Variants in TIE1 observed in about 807,000 individuals in gnomAD.
TIE1 encodes tyrosine-protein kinase receptor Tie-1.
TIE1 carries 89 observed loss-of-function variants against 130.5 expected under a neutral mutation model. That is an observed-to-expected ratio of 0.68 (90% CI 0.57 to 0.81). The LOEUF (loss-of-function observed/expected upper bound fraction) is 0.81, where lower values mean the gene tolerates loss of function less well. TIE1 is among the 40% of genes least tolerant of loss of function. The probability of loss-of-function intolerance (pLI) is 0.00; values close to 1 mark genes in which losing one functional copy is unlikely to be tolerated. For missense variants in TIE1, 1,392 were observed against 1,559.8 expected, an observed-to-expected ratio of 0.89 and a Z score of 1.81; for synonymous variants, 568 against 629.4, an observed-to-expected ratio of 0.90 and a Z score of 1.46.
In TIE1 at chr1:43,318,941, G is replaced by A. The variant is rs777456738; in HGVS notation, c.2923-294G>A. On this transcript the variant is annotated intron_variant, in intron 17 of 22. Transcript: ENST00000372476. The surrounding 1 kb of genome is among the most constrained non-coding windows in gnomAD (Gnocchi z 4.4). ...CTAAGGGAGAGAAACTGGAACCCAG[G>A]GGATGGGAAGAGGGAGGGGGAGAAG... is the stretch of plus-strand genomic sequence containing the variant. Among the ~76,000 whole-genome samples the A allele has an allele frequency of 8.0e-4, 122 of 152,254 alleles. 1 individual carries two copies. The highest frequency in any genetic ancestry group is 3.9e-4 in the Admixed American group (6 of 15,298).
At chr1:43,320,019 C>T (rs955364414) in intron 19 of TIE1, 8 of 194,400 alleles carry the variant, frequency 4.1e-5, no homozygotes, top group African/African-American at 1.6e-4. Context: ...TACCCCTTGC[C>T]CCAAGCCCTT....
chr1:43,307,810 C>A lies in TIE1; in HGVS notation c.928C>A (p.His310Asn). Residue 310 changes from histidine (H) to asparagine (N), a missense_variant, in exon 7 of 23, where the codon CAT (histidine) becomes AAT (asparagine). Around this residue, in one of 6 missense-constraint regions of TIE1, gnomAD observed 28 missense variants for 54.7 expected, o/e 0.51. Coordinates refer to ENST00000372476, the MANE Select transcript of TIE1 (RefSeq NM_005424.5). The surrounding 1 kb of genome is among the most constrained non-coding windows in gnomAD (Gnocchi z 5.4). ...TCTATTCCCAGCTTGTGCCCCTGGT[C>A]ATTTTGGGGCTGATTGCCGACTCCA... ...SQCQEACAPGHFGADCRLQCQ... is the reference protein window; with the variant it reads ...SQCQEACAPGNFGADCRLQCQ... The A allele has an allele frequency of 1.2e-6, 2 of 1,614,118 alleles. No individual in the cohort carries two copies. Among genetic ancestry groups the A allele is most frequent in the South Asian group, 1.1e-5 (1 of 91,030 alleles).
chr1:43,322,521 C>T lies in TIE1; in HGVS notation c.3346-130C>T. On this transcript the variant is annotated intron_variant, in intron 22 of 22. Coordinates refer to ENST00000372476, the MANE Select transcript of TIE1 (RefSeq NM_005424.5). The surrounding 1 kb of genome is among the most constrained non-coding windows in gnomAD (Gnocchi z 4.0). ...TGGGCTGGTAAAGGCCACTCTTGGC[C>T]ATGGGGCCATCTTAGGTCTCCAGAA... The T allele has an allele frequency of 2.8e-6, 2 of 705,242 alleles. No homozygotes were observed. Among genetic ancestry groups the T allele is most frequent in the Non-Finnish European group, 4.9e-6 (2 of 405,160 alleles). The allele number at this position is 705,242 out of a possible 1,614,324, so 43.7% of individuals were successfully genotyped here. A position where few individuals can be genotyped will look rare whatever the true frequency, so the allele number is the denominator to read the frequency against.
Position 43,312,676 on chromosome 1 carries a change from C to T in TIE1, c.1927+75C>T. ...ACAGGGACACATGAGACCTAGGAGACACGGGAGGCTGTAGGAGATTAATGG... is the reference window on the plus strand; with the variant it reads ...ACAGGGACACATGAGACCTAGGAGATACGGGAGGCTGTAGGAGATTAATGG... On this transcript the variant is annotated intron_variant, in intron 12 of 22. Transcript: ENST00000372476. The surrounding 1 kb of genome is among the most constrained non-coding windows in gnomAD (Gnocchi z 5.6). 6.7e-7 allele frequency: 1 copy of T among 1,494,068 alleles called. No homozygotes were observed. The highest frequency in any genetic ancestry group is 9.0e-7 in the Non-Finnish European group (1 of 1,110,402). The allele number at this position is 1,494,068 out of a possible 1,614,324, so 92.6% of individuals were successfully genotyped here. A position where few individuals can be genotyped will look rare whatever the true frequency, so the allele number is the denominator to read the frequency against.
At position 43,313,424 on chromosome 1, in the gene TIE1, C is replaced by T. The variant is rs140228360; in HGVS notation, c.2217C>T (p.Asn739=). The T allele has an allele frequency of 2.7e-5, 43 of 1,613,620 alleles. No individual in the cohort carries two copies. Among genetic ancestry groups the T allele is most frequent in the Non-Finnish European group, 3.3e-5 (39 of 1,179,886 alleles). The change falls in exon 13 of 23, where the codon AAC becomes AAT. Residue 739 remains asparagine, a splice_region_variant and synonymous_variant. Transcript: ENST00000372476. This position sits in a 1 kb window ranked among gnomAD's most constrained non-coding sequence, Gnocchi z 6.2. The stretch of plus-strand genomic sequence containing the variant: ...CAGTAGAAGAGTCCACCCTGGGCAA[C>T]GGTGAGAGGGCAGGGCCCACAGGAC... ...SNTVEESTLG[N]GLQAEGPVQE...
At position 43,321,661 on chromosome 1, in the gene TIE1, AC is replaced by A. The variant is rs1326195751; in HGVS notation, c.3297del (p.Phe1100LeufsTer8). On this transcript the variant is annotated frameshift_variant, in exon 22 of 23. Coordinates refer to ENST00000372476, the MANE Select transcript of TIE1 (RefSeq NM_005424.5). LOFTEE classifies it high-confidence loss of function. Reference sequence around the variant, plus strand: ...GCTGGCGGGACCGTCCCTATGAGCGACCCCCCTTTGCCCAGATTGCGCTACA... The same window carrying A: ...GCTGGCGGGACCGTCCCTATGAGCGACCCCCTTTGCCCAGATTGCGCTACA... ...QCWRDRPYER[P>X]PFAQIALQLG... 2 of 1,552,344 alleles carry A rather than the reference AC, an allele frequency of 1.3e-6. No homozygotes were observed. The highest frequency in any genetic ancestry group is 1.7e-6 in the Non-Finnish European group (2 of 1,147,812).
In TIE1 at chr1:43,307,386, C is replaced by T. The variant is rs1557442841; in HGVS notation, c.773-46C>T. The T allele has an allele frequency of 3.7e-6, 6 of 1,609,642 alleles. No homozygotes were observed. Among genetic ancestry groups the T allele is most frequent in the African/African-American group, 1.3e-5 (1 of 74,786 alleles). Reference sequence around the variant, plus strand: ...TAAGGGCGACAGGCAGGTCCTGGGCCCAGGGGCCCACAGAGGCCCATACAC... The same window carrying T: ...TAAGGGCGACAGGCAGGTCCTGGGCTCAGGGGCCCACAGAGGCCCATACAC... On this transcript the variant is annotated intron_variant, in intron 5 of 22. Coordinates refer to ENST00000372476, the MANE Select transcript of TIE1 (RefSeq NM_005424.5). The surrounding 1 kb of genome is among the most constrained non-coding windows in gnomAD (Gnocchi z 5.4).
In TIE1 at chr1:43,313,616, C is replaced by T. The variant is rs986482898; in HGVS notation, c.2219-162C>T. 6 of 1,050,054 alleles carry T rather than the reference C, an allele frequency of 5.7e-6. No individual in the cohort carries two copies. The highest frequency in any genetic ancestry group is 2.6e-5 in the East Asian group (1 of 38,420). The allele number at this position is 1,050,054 out of a possible 1,614,324, so 65.0% of individuals were successfully genotyped here. On this transcript the variant is annotated intron_variant, in intron 13 of 22. Coordinates refer to ENST00000372476, the MANE Select transcript of TIE1 (RefSeq NM_005424.5). This position sits in a 1 kb window ranked among gnomAD's most constrained non-coding sequence, Gnocchi z 6.2. ...TGTCCCAGGGCTGGGAAAATCATGT[C>T]GCCCCTCTGACACCCCTCATCCCTT... is the stretch of plus-strand genomic sequence containing the variant.
At chr1:43,310,819 C>T (rs1408965299) in intron 9 of TIE1, among the ~76,000 whole-genome samples, 1 of 152,222 alleles carries the variant, frequency 6.6e-6, no homozygotes, top group Non-Finnish European at 1.5e-5. Flanking sequence ...ATCAGCACTG[C>T]CCTCCTGACA....
chr1:43,301,060 G>A lies in TIE1; in HGVS notation c.-12G>A, dbSNP rs745410504. 1.2e-5 allele frequency: 19 copies of A among 1,613,368 alleles called. No homozygotes were observed. The highest frequency in any genetic ancestry group is 5.0e-5 in the Admixed American group (3 of 59,896). ...CAGCTCGTCCTGGCTGGCCTGGGTC[G>A]GCCTCTGGAGTATGGTCTGGCGGGT... On this transcript the variant is annotated 5_prime_UTR_variant, in exon 1 of 23. Coordinates refer to ENST00000372476, the MANE Select transcript of TIE1 (RefSeq NM_005424.5).
At position 43,313,236 on chromosome 1, in the gene TIE1, T is replaced by G; in HGVS notation, c.2029T>G (p.Tyr677Asp). The G allele has an allele frequency of 6.2e-7, 1 of 1,613,942 alleles. No individual in the cohort carries two copies. The highest frequency in any genetic ancestry group is 2.2e-5 in the East Asian group (1 of 44,862). The part of the protein sequence containing the change: ...PEALPGPISK[Y>D]VVEVQVAGGA... ...GGCTCTGCCTGGGCCAATATCCAAG[T>G]ACGTTGTGGAGGTGCAGGTGGCTGG... The change falls in exon 13 of 23, where the codon TAC becomes GAC. Residue 677 changes from tyrosine to aspartate, a missense_variant. Physicochemically the swap from Tyr to Asp is radical, Grantham distance 160. Transcript: ENST00000372476. The surrounding 1 kb of genome is among the most constrained non-coding windows in gnomAD (Gnocchi z 6.2).
Position 43,304,834 on chromosome 1 carries a change from T to C in TIE1, c.59-17T>C. The C allele has an allele frequency of 7.1e-7, 1 of 1,414,868 alleles. No homozygotes were observed. Among genetic ancestry groups the C allele is most frequent in the Non-Finnish European group, 9.2e-7 (1 of 1,091,524 alleles). 87.6% of individuals were successfully genotyped at this position (1,414,868 alleles called of 1,614,324 possible). On this transcript the variant is annotated splice_polypyrimidine_tract_variant and intron_variant, in intron 1 of 22. Transcript: ENST00000372476. ...TTGGCTGGGACTACAATAGAGTCACTGGTGTCCTGGCCCCAGGCGCGGCGG... is the reference window on the plus strand; with the variant it reads ...TTGGCTGGGACTACAATAGAGTCACCGGTGTCCTGGCCCCAGGCGCGGCGG...
Position 43,311,896 on chromosome 1 carries a change from G to C in TIE1, c.1492+67G>C, listed in dbSNP as rs61478604. 4.1e-3 allele frequency: 6,483 copies of C among 1,578,530 alleles called. 210 individuals are homozygous for C. In the African/African-American group the frequency reaches 0.075, roughly 18 times the overall value. ...AATAGTGAAGGGATACAGTGAGCAG[G>C]AGAGGGAGGGCAAATGGTGCGAGGG... On this transcript the variant is annotated intron_variant, in intron 10 of 22. Transcript: ENST00000372476.
rs1034743771 is a variant in TIE1 at position 43,306,982 on chromosome 1, G to A, written c.627G>A (p.Arg209=). Residue 209 remains arginine, a synonymous_variant, in exon 4 of 23, where the codon CGG becomes CGA. Coordinates refer to ENST00000372476, the MANE Select transcript of TIE1 (RefSeq NM_005424.5). This position sits in a 1 kb window ranked among gnomAD's most constrained non-coding sequence, Gnocchi z 4.9. ...GCCCCCTGGGCAGCGCCTTCTTTCG[G>A]CTCATCGTGCGGGGTCAGAGGCAGA... The part of the protein sequence containing the change: ...EASPLGSAFF[R]LIVRGCGAGR... 3 of 1,613,834 alleles carry A rather than the reference G, an allele frequency of 1.9e-6. No homozygotes were observed. Among genetic ancestry groups the A allele is most frequent in the Admixed American group, 3.3e-5 (2 of 60,026 alleles).
chr1:43,310,763 AC>A (rs1277030684), intron 9 of TIE1, among the ~76,000 whole-genome samples: 1 of 152,168 alleles, frequency 6.6e-6, no homozygotes, highest in African/African-American at 2.4e-5. Context: ...AGCCAAAGGC[AC>A]CAAGGGCTTC....
intron 7 of TIE1, among the ~76,000 whole-genome samples, chr1:43,308,533 G>A (rs1194969110): frequency 6.6e-6 from 1 of 152,156 alleles, no homozygotes; most frequent in East Asian, 1.9e-4. Context: ...AGGTCAAATC[G>A]TGGGGCCTTT....
chr1:43,310,892 C>G (rs1646783457), intron 9 of TIE1, among the ~76,000 whole-genome samples: 1 of 152,206 alleles, frequency 6.6e-6, no homozygotes, highest in African/African-American at 2.4e-5. Flanking sequence ...CCCTCGCTCC[C>G]TCCCTCTTTC....
intron 9 of TIE1, 87 bp from the exon 10 acceptor site, chr1:43,311,584 G>A: frequency 6.6e-7 from 1 of 1,517,420 alleles, no homozygotes; most frequent in Non-Finnish European, 8.8e-7. Flanking sequence ...TGTCCCTCAA[G>A]CCCAGAGGGT....
chr1:43,314,706 T>G (rs1236370844), intron 14 of TIE1: 1 of 245,804 alleles, frequency 4.1e-6, no homozygotes, highest in Non-Finnish European at 6.5e-6. Context: ...TGCATGCCTG[T>G]AATCCCAGCT....
Sources: gnomAD v4.1 joint callset for allele counts (sites outside exome capture counted in the v4.1 genomes callset) on GRCh38, gnomAD v4.1.1 for gene constraint, gnomAD v4.1.1 regional missense constraint, Gnocchi (gnomAD v3.1) non-coding constraint, MANE v1.5 for transcripts, NCBI Gene and HGNC (gene_info 2026-07-23, HGNC 2026-07-21) for gene names.